The following ENOX1 variants were observed in gnomAD, a reference collection of about 807,000 sequenced individuals.
ENOX1 encodes candidate growth-related and time keeping constitutive hydroquinone (NADH) oxidase.
A neutral mutation model predicts 82.5 loss-of-function variants in ENOX1; 42 were observed. The ratio of observed to expected loss-of-function variants is 0.51; its 90% confidence interval spans 0.40 to 0.66. The LOEUF (loss-of-function observed/expected upper bound fraction) is 0.66, where lower values mean the gene tolerates loss of function less well. Ranked by LOEUF, ENOX1 falls within the 30% of genes least tolerant of loss-of-function variation. The probability of loss-of-function intolerance (pLI) is 0.00; values close to 1 mark genes in which losing one functional copy is unlikely to be tolerated. For synonymous variants in ENOX1, 271 were observed against 282.2 expected (o/e 0.96, Z 0.40); for missense variants, 608 against 811.6 (o/e 0.75, Z 3.05).
At chr13:43,633,779 G>A (rs543026725) in intron 2 of ENOX1, among the ~76,000 whole-genome samples, 2 of 151,812 alleles carry the variant, frequency 1.3e-5, no homozygotes, top group African/African-American at 4.8e-5. Flanking sequence ...AAAAAGGATA[G>A]TAGTATTTAC....
intron 3 of ENOX1, among the ~76,000 whole-genome samples, chr13:43,468,791 T>C (rs887968408): frequency 2.0e-5 from 3 of 152,232 alleles, no homozygotes; most frequent in African/African-American, 7.2e-5. Flanking sequence ...CTTTCAATGA[T>C]GCTTTGCAGT....
At chr13:43,538,282 A>G (rs1261167441) in intron 2 of ENOX1, among the ~76,000 whole-genome samples, 5 of 152,210 alleles carry the variant, frequency 3.3e-5, no homozygotes, top group Non-Finnish European at 5.9e-5. Flanking sequence ...GAGAAACTAA[A>G]TGTGGAATGG....
intron 2 of ENOX1, among the ~76,000 whole-genome samples, chr13:43,486,983 G>A (rs561855565): frequency 6.6e-6 from 1 of 152,276 alleles, no homozygotes; most frequent in South Asian, 2.1e-4. Flanking sequence ...GACCAGCCTG[G>A]CCAACATGAT....
chr13:43,454,840 C>CATT (rs1360967568), intron 3 of ENOX1, among the ~76,000 whole-genome samples: 2 of 119,840 alleles, frequency 1.7e-5, no homozygotes, highest in Non-Finnish European at 3.8e-5. Context: ...ATATTGAAAC[C>CATT]ATTTTTTTTT....
intron 12 of ENOX1, among the ~76,000 whole-genome samples, chr13:43,273,612 C>T (rs1411260654): frequency 6.6e-6 from 1 of 152,172 alleles, no homozygotes; most frequent in Admixed American, 6.5e-5. Context: ...CCCATCCTCT[C>T]TAGGTAGAGA....
intron 14 of ENOX1, among the ~76,000 whole-genome samples, chr13:43,242,857 CG>C (rs1338488527): frequency 6.6e-6 from 1 of 152,068 alleles, no homozygotes; most frequent in East Asian, 1.9e-4. Context: ...GTCCTTAGGC[CG>C]GGTGCAGTGG....
chr13:43,385,042 T>C (rs775290959), intron 5 of ENOX1, among the ~76,000 whole-genome samples: 1 of 152,196 alleles, frequency 6.6e-6, no homozygotes, highest in Non-Finnish European at 1.5e-5. Context: ...CTACTGGAAC[T>C]GGAAGGACTG....
chr13:43,562,527 C>G (rs1021988687), intron 2 of ENOX1, among the ~76,000 whole-genome samples: 3 of 151,932 alleles, frequency 2.0e-5, no homozygotes, highest in Admixed American at 2.0e-4. Context: ...CCTTACTTAC[C>G]AATAATAACA....
chr13:43,538,883 G>A lies in ENOX1; in HGVS notation c.-218-54731C>T, dbSNP rs540743934. ...CTCTCATTCACACTGGAGTGCAGTG[G>A]TGTGATCACAGCTCACTGCAGCCTC... On this transcript the variant is annotated intron_variant, in intron 2 of 16. Coordinates refer to ENST00000690772, the MANE Select transcript of ENOX1 (RefSeq NM_001347969.2). 2.0e-5 allele frequency among the ~76,000 whole-genome samples: 3 copies of A among 152,196 alleles called. No individual in the cohort carries two copies. The East Asian group carries it at 5.8e-4, about 29-fold the overall frequency.
At chr13:43,255,632 A>G (rs1031550681) in intron 14 of ENOX1, among the ~76,000 whole-genome samples, 18 of 152,188 alleles carry the variant, frequency 1.2e-4, no homozygotes, top group Admixed American at 6.5e-5. Context: ...ATATGCCAAC[A>G]GCAAACAATC....
chr13:43,499,932 T>C (rs1286195994), intron 2 of ENOX1, among the ~76,000 whole-genome samples: 1 of 151,968 alleles, frequency 6.6e-6, no homozygotes. Flanking sequence ...GCTGCAGTTA[T>C]TATGACTGAA....
At chr13:43,712,836 T>C (rs2153814367) in intron 1 of ENOX1, among the ~76,000 whole-genome samples, 1 of 151,296 alleles carries the variant, frequency 6.6e-6, no homozygotes, top group South Asian at 2.1e-4. Flanking sequence ...GTTTTCTAGA[T>C]AAACAATCAT....
chr13:43,640,668 C>T (rs549835725), intron 2 of ENOX1, among the ~76,000 whole-genome samples: 3 of 152,250 alleles, frequency 2.0e-5, no homozygotes, highest in African/African-American at 4.8e-5. Flanking sequence ...TCCCCTCCAC[C>T]TCCACCCACC....
chr13:43,318,187 C>T (rs897200100), intron 11 of ENOX1, among the ~76,000 whole-genome samples: 2 of 152,126 alleles, frequency 1.3e-5, no homozygotes, highest in Admixed American at 1.3e-4. Flanking sequence ...TAATGATTGT[C>T]TACTGAGCAA....
intron 14 of ENOX1, among the ~76,000 whole-genome samples, chr13:43,255,268 A>G (rs2043680600): frequency 6.6e-6 from 1 of 152,188 alleles, no homozygotes; most frequent in African/African-American, 2.4e-5. Flanking sequence ...AACTCTCAAC[A>G]GACCAGGTAT....
chr13:43,279,120 C>T (rs530250763), intron 12 of ENOX1, among the ~76,000 whole-genome samples: 1 of 152,176 alleles, frequency 6.6e-6, no homozygotes, highest in Non-Finnish European at 1.5e-5. Flanking sequence ...ATTTTAGAGA[C>T]CATTTCCTTT....
intron 1 of ENOX1, among the ~76,000 whole-genome samples, chr13:43,745,437 A>G (rs1194778572): frequency 6.6e-6 from 1 of 152,216 alleles, no homozygotes; most frequent in Non-Finnish European, 1.5e-5. Context: ...AAACCACTTA[A>G]GGAAAACGTT....
intron 2 of ENOX1, among the ~76,000 whole-genome samples, chr13:43,638,253 T>G (rs980776429): frequency 6.6e-6 from 1 of 152,202 alleles, no homozygotes; most frequent in Non-Finnish European, 1.5e-5. Flanking sequence ...CTATTTCCCA[T>G]GAGATTTCAT....
intron 1 of ENOX1, among the ~76,000 whole-genome samples, chr13:43,785,808 C>G (rs1252759716): frequency 6.6e-6 from 1 of 152,150 alleles, no homozygotes; most frequent in East Asian, 1.9e-4. Context: ...TCAGGACCCG[C>G]GAGCCCCGGG....
Sources: allele counts gnomAD v4.1 joint callset (sites outside exome capture counted in the v4.1 genomes callset), GRCh38; gene constraint gnomAD v4.1.1; transcripts MANE v1.5; gene names NCBI Gene and HGNC (gene_info 2026-07-23, HGNC 2026-07-21).